Variants in TMEM135 observed in about 807,000 individuals in gnomAD.
TMEM135 encodes transmembrane protein 135, also known as peroxisomal membrane protein 52.
In TMEM135, 30 loss-of-function variants were observed where a neutral mutation model predicts 60.3. The observed-to-expected ratio is 0.50, with a 90% CI of 0.37 to 0.68. The LOEUF (loss-of-function observed/expected upper bound fraction) is 0.68. Among genes scored for constraint, TMEM135 ranks in the 30% least tolerant of loss-of-function variants. TMEM135 has a pLI of 0.00. For synonymous variants in TMEM135, 190 were observed against 186.7 expected (o/e 1.02, Z -0.14); for missense variants, 468 against 548.8 (o/e 0.85, Z 1.47).
At position 87,326,977 on chromosome 11, in the gene TMEM135, T is replaced by C; in HGVS notation, c.*5644T>C. On this transcript the variant is annotated 3_prime_UTR_variant, in exon 15 of 15. Transcript: ENST00000305494. ...TTGGATTAAAATTCAAAAATGGGAT[T>C]GCAGTCATTGTTAATTGCTCAACTA... 1 of 453,452 alleles carries C rather than the reference T, an allele frequency of 2.2e-6. No individual in the cohort carries two copies. The highest frequency in any genetic ancestry group is 4.4e-6 in the Non-Finnish European group (1 of 226,680). The allele number at this position is 453,452 out of a possible 1,614,324, so 28.1% of individuals were successfully genotyped here.
At chr11:87,256,922 G>GTGTGTA (rs1303480576) in intron 6 of TMEM135, among the ~76,000 whole-genome samples, 7 of 151,850 alleles carry the variant, frequency 4.6e-5, no homozygotes, top group African/African-American at 1.2e-4. Flanking sequence ...ACATTTGTGT[G>GTGTGTA]TGTGTATGTG....
At chr11:87,211,123 G>A (rs1388759673) in intron 5 of TMEM135, among the ~76,000 whole-genome samples, 1 of 152,100 alleles carries the variant, frequency 6.6e-6, no homozygotes, top group Non-Finnish European at 1.5e-5. Context: ...CCTATTCAAT[G>A]TACTTCGATT....
chr11:87,319,185 T>C, intron 13 of TMEM135, 125 bp from the exon 14 acceptor site: 1 of 829,056 alleles, frequency 1.2e-6, no homozygotes. Context: ...AACATTTTTA[T>C]TTGAAGGCAT....
chr11:87,322,924 A>T lies in TMEM135; in HGVS notation c.*1591A>T. The T allele has an allele frequency of 2.2e-6, 1 of 454,436 alleles. No individual in the cohort carries two copies. Among genetic ancestry groups the T allele is most frequent in the South Asian group, 1.6e-5 (1 of 64,460 alleles). The allele number at this position is 454,436 out of a possible 1,614,324, so 28.2% of individuals were successfully genotyped here. Reference sequence around the variant, plus strand: ...GGATCATTTCGGTTTCAGACTTCAAAGTTGATTAATAAATTTAATCTTAAC... The same window carrying T: ...GGATCATTTCGGTTTCAGACTTCAATGTTGATTAATAAATTTAATCTTAAC... On this transcript the variant is annotated 3_prime_UTR_variant, in exon 15 of 15. Coordinates refer to ENST00000305494, the MANE Select transcript of TMEM135 (RefSeq NM_022918.4).
intron 4 of TMEM135, chr11:87,096,389 G>T (rs549552413): frequency 1.7e-5 from 2 of 118,410 alleles, no homozygotes; most frequent in African/African-American, 6.6e-5. Flanking sequence ...TCCTTCGACA[G>T]TCCTGGGAAC....
chr11:87,264,869 A>G (rs200544714), intron 6 of TMEM135, among the ~76,000 whole-genome samples: 1 of 17,720 alleles, frequency 5.6e-5, no homozygotes, highest in African/African-American at 2.2e-4. Flanking sequence ...TCAAAGAGAC[A>G]TAAAAAGAGA....
chr11:87,253,697 A>G (rs923412462), intron 6 of TMEM135, among the ~76,000 whole-genome samples: 1 of 138,880 alleles, frequency 7.2e-6, no homozygotes, highest in Non-Finnish European at 1.5e-5. Context: ...ATATATATAT[A>G]TCCTGGTGTA....
At chr11:87,090,654 C>G (rs1027075704) in intron 3 of TMEM135, among the ~76,000 whole-genome samples, 23 of 152,030 alleles carry the variant, frequency 1.5e-4, no homozygotes, top group African/African-American at 5.1e-4. Context: ...ATAGAATGTG[C>G]TTCATTCATT....
chr11:87,305,827 C>CT (rs199727648), intron 8 of TMEM135, 109 bp from the exon 9 acceptor site: 54,724 of 411,406 alleles, frequency 0.13, 1,509 homozygotes, highest in African/African-American at 0.16. Flanking sequence ...TCTTCTCTCT[C>CT]TTTTTTTTTT....
intron 5 of TMEM135, among the ~76,000 whole-genome samples, chr11:87,233,556 A>T (rs953694882): frequency 2.0e-5 from 3 of 152,124 alleles, no homozygotes; most frequent in Non-Finnish European, 4.4e-5. Context: ...AGCTATGTTG[A>T]AACTTATGAA....
chr11:87,206,773 G>A (rs762601705), intron 5 of TMEM135, among the ~76,000 whole-genome samples: 1 of 152,068 alleles, frequency 6.6e-6, no homozygotes, highest in Non-Finnish European at 1.5e-5. Flanking sequence ...ATTAATGTGG[G>A]CATTTTCAGT....
chr11:87,260,056 A>G (rs1189664620), intron 6 of TMEM135, among the ~76,000 whole-genome samples: 1 of 152,206 alleles, frequency 6.6e-6, no homozygotes, highest in Admixed American at 6.5e-5. Context: ...CTGCTCTCAA[A>G]TGCTTTCTAA....
chr11:87,186,951 A>G (rs939091461), intron 5 of TMEM135, among the ~76,000 whole-genome samples: 7 of 152,198 alleles, frequency 4.6e-5, no homozygotes, highest in Admixed American at 6.5e-5. Context: ...ACTAGAAAAT[A>G]TAATTATTGT....
In TMEM135 at chr11:87,327,711, C is replaced by A. The variant is rs1472046443; in HGVS notation, c.*6378C>A. On this transcript the variant is annotated 3_prime_UTR_variant, in exon 15 of 15. Coordinates refer to ENST00000305494, the MANE Select transcript of TMEM135 (RefSeq NM_022918.4). ...TCCAAAAGCCTTGGAACCAGGGAAA[C>A]TGATGGTGTAATTCTCAGTCCAAGG... 4.4e-6 allele frequency: 2 copies of A among 453,874 alleles called. No homozygotes were observed. Among genetic ancestry groups the A allele is most frequent in the Non-Finnish European group, 8.8e-6 (2 of 226,788 alleles). The allele number at this position is 453,874 out of a possible 1,614,324, so 28.1% of individuals were successfully genotyped here. A position where few individuals can be genotyped will look rare whatever the true frequency, so the allele number is the denominator to read the frequency against.
At chr11:87,079,765 A>G (rs773664347) in intron 3 of TMEM135, among the ~76,000 whole-genome samples, 9 of 151,330 alleles carry the variant, frequency 5.9e-5, no homozygotes, top group Non-Finnish European at 7.4e-5. Flanking sequence ...TCATGAATGG[A>G]TGTAATATTT....
intron 7 of TMEM135, among the ~76,000 whole-genome samples, chr11:87,298,981 G>C (rs1054383410): frequency 9.9e-5 from 15 of 151,918 alleles, no homozygotes; most frequent in Admixed American, 4.6e-4. Flanking sequence ...CCAGCGACTT[G>C]AGAGGCTGAG....
intron 4 of TMEM135, among the ~76,000 whole-genome samples, chr11:87,141,615 G>A (rs1031184970): frequency 2.0e-5 from 3 of 152,048 alleles, no homozygotes; most frequent in Admixed American, 6.6e-5. Flanking sequence ...CGGAAAAATA[G>A]CAAATAGAAG....
rs74552164 is a variant in TMEM135, at chr11:87,188,532, C to G, written c.462+31126C>G. Among the ~76,000 whole-genome samples the G allele has an allele frequency of 3.7e-3, 561 of 151,902 alleles. 12 individuals carry two copies. In the East Asian group the frequency reaches 0.078, roughly 21 times the overall value. On this transcript the variant is annotated intron_variant, in intron 5 of 14. Coordinates refer to ENST00000305494, the MANE Select transcript of TMEM135 (RefSeq NM_022918.4). ...GCCTGGCCAACATGATGAAACCCCC[C>G]CTCTCCACTAAAAATACAAAAATTA...
intron 4 of TMEM135, among the ~76,000 whole-genome samples, chr11:87,137,188 G>T (rs891416486): frequency 2.6e-5 from 4 of 151,336 alleles, no homozygotes; most frequent in Non-Finnish European, 4.4e-5. Flanking sequence ...ATTTAAGTTT[G>T]TTATGTCCTT....
Sources: gnomAD v4.1 joint callset for allele counts (sites outside exome capture counted in the v4.1 genomes callset) on GRCh38, gnomAD v4.1.1 for gene constraint, MANE v1.5 for transcripts, NCBI Gene and HGNC (gene_info 2026-07-23, HGNC 2026-07-21) for gene names.